ADGRF5: variants seen among roughly 807,000 people sequenced by gnomAD.
ADGRF5 encodes G-protein coupled receptor 116.
ADGRF5 carries 75 observed loss-of-function variants against 132.3 expected under a neutral mutation model. That is an observed-to-expected ratio of 0.57 (90% CI 0.47 to 0.69). The LOEUF (loss-of-function observed/expected upper bound fraction) is 0.69. ADGRF5 is among the 30% of genes least tolerant of loss of function. ADGRF5 has a pLI of 0.00. For missense variants in ADGRF5, 1,516 were observed against 1,630.6 expected, an observed-to-expected ratio of 0.93 and a Z score of 1.21; for synonymous variants, 629 against 597.6, an observed-to-expected ratio of 1.05 and a Z score of -0.77.
intron 1 of ADGRF5, among the ~76,000 whole-genome samples, chr6:46,911,118 C>G (rs112564707): frequency 6.6e-6 from 1 of 152,152 alleles, no homozygotes; most frequent in Non-Finnish European, 1.5e-5. Flanking sequence ...TCTCTGCTCC[C>G]TCTCTACAGA....
At chr6:46,953,968 T>C (rs1462149820) in intron 1 of ADGRF5, among the ~76,000 whole-genome samples, 1 of 151,486 alleles carries the variant, frequency 6.6e-6, no homozygotes, top group Admixed American at 6.6e-5. Flanking sequence ...GACAAAAAAA[T>C]CCAGAGAAAT....
intron 1 of ADGRF5, among the ~76,000 whole-genome samples, chr6:46,933,725 A>G (rs766553377): frequency 2.6e-5 from 4 of 152,304 alleles, no homozygotes; most frequent in Non-Finnish European, 5.9e-5. Context: ...AGCCCTCCAC[A>G]GCTCCCATGG....
chr6:46,853,769 T>C lies in ADGRF5; in HGVS notation c.*223A>G. ...GAGTTTCACTTAAATACTATACACA[T>C]GTGGTATCACACAAGGGGGAGGGGG... On this transcript the variant is annotated 3_prime_UTR_variant, in exon 21 of 21. Coordinates refer to ENST00000283296, the MANE Select transcript of ADGRF5 (RefSeq NM_001098518.2). 2 of 405,456 alleles carry C rather than the reference T, an allele frequency of 4.9e-6. No individual in the cohort carries two copies. Among genetic ancestry groups the C allele is most frequent in the South Asian group, 2.6e-5 (1 of 37,852 alleles). 25.1% of individuals were successfully genotyped at this position (405,456 alleles called of 1,614,324 possible).
upstream of ADGRF5, among the ~76,000 whole-genome samples, chr6:46,922,746 C>A (rs1582030615): frequency 6.6e-6 from 1 of 152,156 alleles, no homozygotes; most frequent in Non-Finnish European, 1.5e-5. Context: ...TGAGGCCTGG[C>A]TTGGAATCGG....
At chr6:46,920,252 A>G (rs1240607486) in intron 1 of ADGRF5, among the ~76,000 whole-genome samples, 1 of 152,172 alleles carries the variant, frequency 6.6e-6, no homozygotes, top group Non-Finnish European at 1.5e-5. Flanking sequence ...GTTGTTACTA[A>G]TATTATTAAT....
intron 2 of ADGRF5, chr6:46,903,334 G>C (rs1264829432): frequency 1.3e-5 from 2 of 152,196 alleles, no homozygotes; most frequent in Non-Finnish European, 1.5e-5. Context: ...CCAGGGGACT[G>C]TCTGAGCCAC....
intron 10 of ADGRF5, among the ~76,000 whole-genome samples, chr6:46,876,254 G>C (rs943156629): frequency 1.3e-5 from 2 of 152,196 alleles, no homozygotes; most frequent in Non-Finnish European, 2.9e-5. Flanking sequence ...CCTGAGGCAG[G>C]AAATCCATTG....
chr6:46,888,886 G>T (rs990649907), intron 3 of ADGRF5, among the ~76,000 whole-genome samples: 4 of 152,118 alleles, frequency 2.6e-5, no homozygotes, highest in African/African-American at 9.7e-5. Context: ...TGCATGGATT[G>T]AAGACATCTG....
In ADGRF5 at chr6:46,878,362, C is replaced by T. The variant is rs762284996; in HGVS notation, c.1080G>A (p.Glu360=). The change falls in exon 10 of 21, where the codon GAG becomes GAA. Residue 360 remains glutamate (E), a synonymous_variant. Transcript: ENST00000283296. ...CKLILDIFEY[E]CKKKIDVMPI... The stretch of plus-strand genomic sequence containing the variant: ...GCATAACATCTATTTTCTTCTTGCA[C>T]TCATATTCAAAAATGTCTAATATCA... 92 of 1,612,228 alleles carry T rather than the reference C, an allele frequency of 5.7e-5. No homozygotes were observed. Among genetic ancestry groups the T allele is most frequent in the Non-Finnish European group, 7.3e-5 (86 of 1,178,552 alleles).
chr6:46,920,864 A>AAAAAAT (rs1391508178), intron 1 of ADGRF5, among the ~76,000 whole-genome samples: 96 of 152,272 alleles, frequency 6.3e-4, no homozygotes, highest in African/African-American at 2.2e-3. Context: ...CTCCATCTCA[A>AAAAAAT]AAAAATAAAA....
At chr6:46,896,765 T>C (rs1012308533) in intron 3 of ADGRF5, among the ~76,000 whole-genome samples, 1 of 151,830 alleles carries the variant, frequency 6.6e-6, no homozygotes, top group African/African-American at 2.4e-5. Context: ...ATCTGTGGGG[T>C]TCTGCATCCA....
chr6:46,860,987 C>G, intron 15 of ADGRF5, 93 bp from the exon 16 acceptor site: 1 of 944,538 alleles, frequency 1.1e-6, no homozygotes, highest in Non-Finnish European at 1.6e-6. Flanking sequence ...CTCTCACATC[C>G]GTTGTTTCCT....
chr6:46,940,021 C>A (rs915991685), intron 1 of ADGRF5, among the ~76,000 whole-genome samples: 5 of 151,120 alleles, frequency 3.3e-5, no homozygotes, highest in Non-Finnish European at 7.4e-5. Context: ...TTTTTTTTTT[C>A]AATACATACA....
intron 1 of ADGRF5, among the ~76,000 whole-genome samples, chr6:46,939,016 G>A (rs376211663): frequency 5.3e-5 from 8 of 152,080 alleles, no homozygotes; most frequent in African/African-American, 1.7e-4. Flanking sequence ...GACTACAGGT[G>A]AGTGCCACCA....
chr6:46,921,314 C>G (rs1355237996), intron 1 of ADGRF5, among the ~76,000 whole-genome samples: 1 of 152,148 alleles, frequency 6.6e-6, no homozygotes, highest in Admixed American at 6.5e-5. Context: ...AGCCTGACCA[C>G]AGCAATGGCC....
chr6:46,935,379 C>T (rs190864915), intron 1 of ADGRF5, among the ~76,000 whole-genome samples: 1 of 152,240 alleles, frequency 6.6e-6, no homozygotes, highest in Non-Finnish European at 1.5e-5. Flanking sequence ...ACCTTGTTGC[C>T]TGCACTTGAG....
chr6:46,897,734 C>T (rs1022962290), intron 3 of ADGRF5, among the ~76,000 whole-genome samples: 13 of 152,154 alleles, frequency 8.5e-5, no homozygotes, highest in Middle Eastern at 3.2e-3. Context: ...TTAGTAGAGA[C>T]GGAGTTTCAC....
chr6:46,951,399 G>A (rs761753), intron 1 of ADGRF5, among the ~76,000 whole-genome samples: 101,188 of 152,100 alleles, frequency 0.67, 34,008 homozygotes, highest in East Asian at 0.86. Flanking sequence ...TGCTGGCTGT[G>A]TCTGTTTGCT....
chr6:46,862,200 GT>G (rs1458796945), intron 15 of ADGRF5, among the ~76,000 whole-genome samples: 23 of 152,090 alleles, frequency 1.5e-4, no homozygotes. Context: ...TTTGGAATTG[GT>G]TGTCTGAAGA....
Sources: allele counts gnomAD v4.1 joint callset (sites outside exome capture counted in the v4.1 genomes callset), GRCh38; gene constraint gnomAD v4.1.1; transcripts MANE v1.5; gene names NCBI Gene and HGNC (gene_info 2026-07-23, HGNC 2026-07-21).